The following CDH8 variants were observed in gnomAD, a reference collection of about 807,000 sequenced individuals.
CDH8 encodes the protein cadherin-8.
CDH8 carries 17 observed loss-of-function variants against 68.1 expected under a neutral mutation model. The ratio of observed to expected loss-of-function variants is 0.25; its 90% CI spans 0.17 to 0.37. CDH8 has a LOEUF of 0.37. CDH8 is among the 10% of genes least tolerant of loss of function. The pLI is 1.00. For synonymous variants in CDH8, 372 were observed against 365.1 expected, an observed-to-expected ratio of 1.02 and a Z score of -0.21; for missense variants, 763 against 999.3, an observed-to-expected ratio of 0.76 and a Z score of 3.19.
rs548009691 is a variant in CDH8 at position 61,986,505 on chromosome 16, T to G, written c.252+34647A>C. Among the ~76,000 whole-genome samples the G allele has an allele frequency of 1.1e-4, 16 of 152,282 alleles. No individual in the cohort carries two copies. In the South Asian group the frequency reaches 3.3e-3, roughly 32 times the overall value. ...GGAAATGGCTGTAAAAGAAACATGG[T>G]CTACAATATGCCAAGAAAGGAAGAA... On this transcript the variant is annotated intron_variant, in intron 2 of 11. Transcript: ENST00000577390.
At chr16:61,791,260 A>G (rs1961370575) in intron 7 of CDH8, among the ~76,000 whole-genome samples, 2 of 151,992 alleles carry the variant, frequency 1.3e-5, no homozygotes, top group African/African-American at 4.8e-5. Context: ...GAGACAGGTA[A>G]GTTAACATTG....
chr16:61,913,409 T>C (rs1413869401), intron 2 of CDH8, among the ~76,000 whole-genome samples: 1 of 152,164 alleles, frequency 6.6e-6, no homozygotes, highest in African/African-American at 2.4e-5. Flanking sequence ...ACATAGGTTA[T>C]ATGCAAATCC....
At chr16:61,845,843 C>T (rs541724312) in intron 4 of CDH8, among the ~76,000 whole-genome samples, 1 of 152,108 alleles carries the variant, frequency 6.6e-6, no homozygotes, top group South Asian at 2.1e-4. Flanking sequence ...AACATAATAC[C>T]AGACCCATAG....
chr16:61,674,686 G>A (rs971776822), intron 10 of CDH8, among the ~76,000 whole-genome samples: 3 of 152,006 alleles, frequency 2.0e-5, no homozygotes, highest in Non-Finnish European at 1.5e-5. Flanking sequence ...TGACAGTGAT[G>A]ATAAGATACT....
At position 61,653,637 on chromosome 16, in the gene CDH8, A is replaced by T; in HGVS notation, c.2371T>A (p.Ser791Thr). The change falls in exon 12 of 12, where the codon TCT becomes ACT. Residue 791 changes from serine (S) to threonine (T), a missense_variant. Transcript: ENST00000577390. ...PRFKRLGELY[S>T]VGESDKET ...GTTTCTTTGTCACTTTCACCAACAG[A>T]GTAGAGTTCGCCCAGTCTCTTAAAG... 1 of 1,612,972 alleles carries T rather than the reference A, an allele frequency of 6.2e-7. No individual in the cohort carries two copies. Among genetic ancestry groups the T allele is most frequent in the Non-Finnish European group, 8.5e-7 (1 of 1,179,650 alleles).
rs1398318831 is a variant in CDH8, at chr16:61,916,164, G to C, written c.253-14691C>G. Among the ~76,000 whole-genome samples, 3 of 152,154 alleles carry C rather than the reference G, an allele frequency of 2.0e-5. No homozygotes were observed. The East Asian group carries it at 5.8e-4, about 29-fold the overall frequency. On this transcript the variant is annotated intron_variant, in intron 2 of 11. Transcript: ENST00000577390. ...CAAGTATTTCTATATATTTGAGATA[G>C]ACAAAAATAGATGCATATGTGCATT...
intron 2 of CDH8, among the ~76,000 whole-genome samples, chr16:61,909,919 C>T (rs1179878795): frequency 6.6e-6 from 1 of 152,174 alleles, no homozygotes; most frequent in Non-Finnish European, 1.5e-5. Context: ...GTGTTCATGG[C>T]CTTGGCAAAT....
intron 2 of CDH8, among the ~76,000 whole-genome samples, chr16:61,972,317 T>C (rs1315941310): frequency 6.6e-6 from 1 of 152,166 alleles, no homozygotes. Flanking sequence ...TATGTCTTTA[T>C]TAGCAGCATG....
chr16:61,730,316 A>C (rs1476454785), intron 8 of CDH8, among the ~76,000 whole-genome samples: 1 of 151,436 alleles, frequency 6.6e-6, no homozygotes, highest in African/African-American at 2.4e-5. Flanking sequence ...AGTGCAAAAT[A>C]CCAACTAATA....
At chr16:61,796,700 G>T (rs747397854) in intron 7 of CDH8, among the ~76,000 whole-genome samples, 16 of 152,058 alleles carry the variant, frequency 1.1e-4, no homozygotes, top group Non-Finnish European at 2.4e-4. Context: ...TTTCTTGGAA[G>T]TAAATGCTAA....
intron 4 of CDH8, among the ~76,000 whole-genome samples, chr16:61,832,331 A>AGATAGATAG (rs1555513534): frequency 7.0e-6 from 1 of 143,082 alleles, no homozygotes; most frequent in African/African-American, 2.6e-5. Context: ...ACAGATAGAT[A>AGATAGATAG]ATAGATAGAT....
chr16:61,916,757 T>A (rs953944439), intron 2 of CDH8, among the ~76,000 whole-genome samples: 4 of 152,154 alleles, frequency 2.6e-5, no homozygotes, highest in African/African-American at 7.2e-5. Context: ...GGAGAATATC[T>A]GCTTTCTGCC....
At chr16:61,944,388 A>T (rs944519237) in intron 2 of CDH8, among the ~76,000 whole-genome samples, 10 of 152,148 alleles carry the variant, frequency 6.6e-5, no homozygotes, top group African/African-American at 2.4e-4. Context: ...TATACCTCTA[A>T]GGGTTCTCAG....
At chr16:61,777,299 C>T (rs114423638) in intron 8 of CDH8, among the ~76,000 whole-genome samples, 1 of 152,164 alleles carries the variant, frequency 6.6e-6, no homozygotes, top group African/African-American at 2.4e-5. Flanking sequence ...TGGAGATAAC[C>T]ATTTGCTATG....
At chr16:61,859,236 T>G (rs1306015481) in intron 3 of CDH8, among the ~76,000 whole-genome samples, 1 of 152,082 alleles carries the variant, frequency 6.6e-6, no homozygotes, top group Non-Finnish European at 1.5e-5. Context: ...CTAGCAAAAA[T>G]GAACACATGA....
intron 3 of CDH8, among the ~76,000 whole-genome samples, chr16:61,865,028 CT>C (rs990195096): frequency 6.6e-6 from 1 of 152,102 alleles, no homozygotes; most frequent in Non-Finnish European, 1.5e-5. Flanking sequence ...CCCTATCTTT[CT>C]TTTTTTGCAA....
intron 7 of CDH8, among the ~76,000 whole-genome samples, chr16:61,794,876 A>C (rs72798725): frequency 0.087 from 13,275 of 152,066 alleles, 736 homozygotes; most frequent in African/African-American, 0.14. Flanking sequence ...TCTTAGTTAT[A>C]AGATTAATCA....
chr16:61,887,174 T>C (rs529104927), intron 3 of CDH8, among the ~76,000 whole-genome samples: 3 of 152,134 alleles, frequency 2.0e-5, no homozygotes, highest in South Asian at 4.2e-4. Context: ...AGGACCAATT[T>C]TGAGCAGAAG....
chr16:61,672,825 G>A (rs1963825095), intron 10 of CDH8, among the ~76,000 whole-genome samples: 2 of 151,970 alleles, frequency 1.3e-5, no homozygotes, highest in Admixed American at 1.3e-4. Context: ...TGAAATATGA[G>A]GTTATTATAG....
Sources: allele counts gnomAD v4.1 joint callset (sites outside exome capture counted in the v4.1 genomes callset), GRCh38; gene constraint gnomAD v4.1.1; transcripts MANE v1.5; gene names NCBI Gene and HGNC (gene_info 2026-07-23, HGNC 2026-07-21).